The following FMN2 variants were observed in gnomAD, a reference collection of about 807,000 sequenced individuals.
FMN2 encodes the protein formin 2.
FMN2 carries 51 observed loss-of-function variants against 142.3 expected under a neutral mutation model. The ratio of observed to expected loss-of-function variants is 0.36; its 90% CI spans 0.29 to 0.45. The LOEUF is 0.45. FMN2 is among the 20% of genes least tolerant of loss of function. The pLI, the probability that FMN2 is intolerant of heterozygous loss-of-function variation, is 1.00. For synonymous variants in FMN2, 882 were observed against 869.8 expected, an observed-to-expected ratio of 1.01 and a Z score of -0.25; for missense variants, 1,936 against 2,122.8, an observed-to-expected ratio of 0.91 and a Z score of 1.73.
chr1:240,145,272 C>T, intron 2 of FMN2: 4 of 1,438,040 alleles, frequency 2.8e-6, no homozygotes, highest in African/African-American at 1.4e-5. Context: ...TCCCCGGCAT[C>T]CCGCCGCTCC....
At chr1:240,236,954 A>T (rs1419417455) in intron 6 of FMN2, among the ~76,000 whole-genome samples, 1 of 152,190 alleles carries the variant, frequency 6.6e-6, no homozygotes, top group Non-Finnish European at 1.5e-5. Flanking sequence ...TTAACTTTTT[A>T]TGGAAGTGCC....
intron 13 of FMN2, among the ~76,000 whole-genome samples, chr1:240,337,383 A>AT (rs1671602245): frequency 6.6e-6 from 1 of 151,722 alleles, no homozygotes; most frequent in South Asian, 2.1e-4. Context: ...CTTCCAGCTA[A>AT]TTTTTTGTAT....
chr1:240,193,061 G>C (rs2103356507), intron 4 of FMN2, among the ~76,000 whole-genome samples: 1 of 152,284 alleles, frequency 6.6e-6, no homozygotes, highest in Non-Finnish European at 1.5e-5. Flanking sequence ...TCCTTGGGGT[G>C]GTCAGGCTTG....
intron 14 of FMN2, among the ~76,000 whole-genome samples, chr1:240,363,593 G>C (rs2103058324): frequency 6.6e-6 from 1 of 152,284 alleles, no homozygotes; most frequent in East Asian, 1.9e-4. Flanking sequence ...GTGCATGCAT[G>C]TGCAAATGTT....
At chr1:240,215,876 T>C (rs1413924458) in intron 6 of FMN2, among the ~76,000 whole-genome samples, 1 of 152,086 alleles carries the variant, frequency 6.6e-6, no homozygotes, top group Non-Finnish European at 1.5e-5. Context: ...GACCAGCTAA[T>C]TTTTGTATTT....
chr1:240,301,914 G>GTT (rs36060853), intron 8 of FMN2, among the ~76,000 whole-genome samples: 55,092 of 151,426 alleles, frequency 0.36, 10,341 homozygotes, highest in African/African-American at 0.45. Flanking sequence ...ACATTTGACA[G>GTT]TTTCCATCTC....
At chr1:240,188,122 T>C (rs1450867372) in intron 3 of FMN2, 85 bp from the exon 4 acceptor site, 6 of 1,337,778 alleles carry the variant, frequency 4.5e-6, no homozygotes, top group Non-Finnish European at 6.3e-6. Context: ...TAATGATATA[T>C]TTTAGTGAAA....
At chr1:240,269,377 C>T (rs1668917131) in intron 7 of FMN2, among the ~76,000 whole-genome samples, 1 of 151,964 alleles carries the variant, frequency 6.6e-6, no homozygotes, top group African/African-American at 2.4e-5. Flanking sequence ...TATTTCTGGA[C>T]ACTCCATTCT....
At chr1:240,226,533 G>C (rs563096907) in intron 6 of FMN2, among the ~76,000 whole-genome samples, 2 of 152,226 alleles carry the variant, frequency 1.3e-5, no homozygotes, top group African/African-American at 2.4e-5. Flanking sequence ...AAACAGTAAA[G>C]AAAGTTCAAG....
At chr1:240,296,438 CTTTTTTT>C (rs772711130) in intron 8 of FMN2, among the ~76,000 whole-genome samples, 2 of 46,910 alleles carry the variant, frequency 4.3e-5, no homozygotes, top group Non-Finnish European at 7.2e-5. Flanking sequence ...TCTTTGAGTG[CTTTTTTT>C]TTTTTTTTTT....
chr1:240,210,855 G>C (rs927180598), intron 5 of FMN2, among the ~76,000 whole-genome samples: 1 of 152,084 alleles, frequency 6.6e-6, no homozygotes, highest in African/African-American at 2.4e-5. Flanking sequence ...AGGCTTCCTG[G>C]AAATTATTTC....
At chr1:240,330,797 TTTG>T in intron 11 of FMN2, 48 bp downstream of exon 11, 1 of 1,591,072 alleles carries the variant, frequency 6.3e-7, no homozygotes, top group Non-Finnish European at 8.6e-7. Context: ...GAGTCAAGGT[TTTG>T]TTTAGTAATG....
chr1:240,327,297 C>T (rs1572197190), intron 8 of FMN2, among the ~76,000 whole-genome samples: 1 of 152,304 alleles, frequency 6.6e-6, no homozygotes, highest in South Asian at 2.1e-4. Flanking sequence ...CTCATCAATT[C>T]TTCTCTCGTT....
rs1049048646 is a variant in FMN2 at position 240,316,037 on chromosome 1, C to T, written c.4216-13039C>T. Reference sequence around the variant, plus strand: ...ACCAAACCACGAGATCTTTTTTCCCCTCCAATAAATATTTAGAGTGAACCT... The same window carrying T: ...ACCAAACCACGAGATCTTTTTTCCCTTCCAATAAATATTTAGAGTGAACCT... On this transcript the variant is annotated intron_variant, in intron 8 of 17. Coordinates refer to ENST00000319653, the MANE Select transcript of FMN2 (RefSeq NM_020066.5). Among the ~76,000 whole-genome samples the T allele has an allele frequency of 4.9e-4, 75 of 152,086 alleles. 1 individual carries two copies. Among genetic ancestry groups the T allele is most frequent in the Admixed American group, 4.5e-3 (69 of 15,266 alleles).
At chr1:240,135,981 GTT>G (rs11353423) in intron 2 of FMN2, among the ~76,000 whole-genome samples, 99 of 142,654 alleles carry the variant, frequency 6.9e-4, no homozygotes, top group African/African-American at 2.0e-3. Flanking sequence ...GCCTAGTCAT[GTT>G]TTTTTTTTTT....
At chr1:240,221,850 T>A (rs61829166) in intron 6 of FMN2, among the ~76,000 whole-genome samples, 2 of 16,778 alleles carry the variant, frequency 1.2e-4, no homozygotes, top group African/African-American at 4.4e-4. Flanking sequence ...TTCTAGGGAC[T>A]TTTTTTTTTT....
At chr1:240,325,034 C>T (rs892194742) in intron 8 of FMN2, among the ~76,000 whole-genome samples, 2 of 151,970 alleles carry the variant, frequency 1.3e-5, no homozygotes, top group African/African-American at 2.4e-5. Context: ...TGTCAATCAT[C>T]GCTGTGGTTG....
intron 8 of FMN2, among the ~76,000 whole-genome samples, chr1:240,295,549 AGC>A (rs1669943431): frequency 1.3e-5 from 2 of 151,978 alleles, no homozygotes; most frequent in Non-Finnish European, 2.9e-5. Context: ...TATTTCACTT[AGC>A]ATTATGCCCT....
chr1:240,100,705 T>C (rs561107196), intron 1 of FMN2, among the ~76,000 whole-genome samples: 6 of 152,296 alleles, frequency 3.9e-5, no homozygotes, highest in Non-Finnish European at 8.8e-5. Context: ...GAAGTGTTGA[T>C]TGGATAGGAA....
Sources: allele counts gnomAD v4.1 joint callset (sites outside exome capture counted in the v4.1 genomes callset), GRCh38; gene constraint gnomAD v4.1.1; transcripts MANE v1.5; gene names NCBI Gene and HGNC (gene_info 2026-07-23, HGNC 2026-07-21).